Variants in WDPCP observed in about 807,000 individuals in gnomAD.
WDPCP encodes the protein WD repeat-containing and planar cell polarity effector protein fritz homolog.
In WDPCP, 71 loss-of-function variants were observed where a neutral mutation model predicts 93.1. The ratio of observed to expected loss-of-function variants is 0.76; its 90% CI spans 0.63 to 0.93. The LOEUF (loss-of-function observed/expected upper bound fraction) is 0.93, where lower values mean the gene tolerates loss of function less well. Among genes scored for constraint, WDPCP ranks in the 40% least tolerant of loss-of-function variants. The pLI is 0.00. For missense variants in WDPCP, 844 were observed against 887.4 expected (o/e 0.95, Z 0.62); for synonymous variants, 315 against 315.0 (o/e 1.00, Z 0.00).
chr2:63,429,673 A>G (rs2105428161), intron 9 of WDPCP, among the ~76,000 whole-genome samples: 1 of 152,310 alleles, frequency 6.6e-6, no homozygotes, highest in Non-Finnish European at 1.5e-5. Flanking sequence ...TTTTGTTAAA[A>G]GTCAAAAAAT....
At chr2:63,259,286 A>T (rs763394438) in intron 14 of WDPCP, 21 bp downstream of exon 14, 1 of 1,593,142 alleles carries the variant, frequency 6.3e-7, no homozygotes, top group East Asian at 2.2e-5. Context: ...AAAAGCACTT[A>T]AAAATAGCGT....
At chr2:63,542,796 G>T (rs1704842520) in intron 1 of WDPCP, among the ~76,000 whole-genome samples, 1 of 152,146 alleles carries the variant, frequency 6.6e-6, no homozygotes, top group Non-Finnish European at 1.5e-5. Flanking sequence ...TGACGCATAT[G>T]TATGTCCATG....
Position 63,139,028 on chromosome 2 carries a change from A to C in WDPCP, c.2190+13886T>G, listed in dbSNP as rs1293706462. On this transcript the variant is annotated intron_variant, in intron 17 of 17. Coordinates refer to ENST00000272321, the MANE Select transcript of WDPCP (RefSeq NM_015910.7). ...ATCCAGATCACTACAAATGCTATTA[A>C]TTCACTCCTTTTTATGGCTGCATAG... Among the ~76,000 whole-genome samples, 3 of 152,144 alleles carry C rather than the reference A, an allele frequency of 2.0e-5. No homozygotes were observed. In the East Asian group the frequency reaches 5.8e-4, roughly 29 times the overall value.
intron 10 of WDPCP, among the ~76,000 whole-genome samples, chr2:63,401,594 G>A (rs1694157620): frequency 6.6e-6 from 1 of 152,070 alleles, no homozygotes; most frequent in Non-Finnish European, 1.5e-5. Context: ...GACCACTTGA[G>A]GCTGGTTTGA....
At chr2:63,479,765 T>C (rs1700162766) in intron 6 of WDPCP, among the ~76,000 whole-genome samples, 1 of 152,048 alleles carries the variant, frequency 6.6e-6, no homozygotes, top group Non-Finnish European at 1.5e-5. Context: ...ACAAGGATGC[T>C]GACCCTCAAC....
At chr2:63,275,970 G>C (rs1310781978) in intron 13 of WDPCP, among the ~76,000 whole-genome samples, 1 of 152,122 alleles carries the variant, frequency 6.6e-6, no homozygotes, top group Non-Finnish European at 1.5e-5. Flanking sequence ...GAAGGAACTT[G>C]ATCACCCTGC....
intron 2 of WDPCP, among the ~76,000 whole-genome samples, chr2:63,765,990 C>T (rs759169587): frequency 8.5e-5 from 13 of 152,238 alleles, no homozygotes; most frequent in Non-Finnish European, 1.8e-4. Context: ...GATAGCACCT[C>T]CAACCATCCA....
intron 14 of WDPCP, among the ~76,000 whole-genome samples, chr2:63,180,072 C>T (rs918554547): frequency 1.3e-5 from 2 of 152,046 alleles, no homozygotes; most frequent in Non-Finnish European, 2.9e-5. Flanking sequence ...AAGTCAAATA[C>T]CATATGTTCT....
chr2:63,711,246 GA>G (rs1341661655), intron 2 of WDPCP, among the ~76,000 whole-genome samples: 2 of 151,970 alleles, frequency 1.3e-5, no homozygotes, highest in African/African-American at 4.8e-5. Context: ...ACAATGAGTT[GA>G]AAAAAATGAG....
intron 12 of WDPCP, among the ~76,000 whole-genome samples, chr2:63,354,163 C>T (rs1689835145): frequency 6.6e-6 from 1 of 152,128 alleles, no homozygotes; most frequent in African/African-American, 2.4e-5. Flanking sequence ...GCCAGTCCGT[C>T]TCCCACCAAT....
intron 14 of WDPCP, among the ~76,000 whole-genome samples, chr2:63,250,171 C>T (rs1431382754): frequency 1.3e-5 from 2 of 152,188 alleles, no homozygotes; most frequent in South Asian, 2.1e-4. Context: ...ATACAGGTTG[C>T]GTGAATACAA....
At chr2:63,372,105 G>A (rs1200950387) in intron 12 of WDPCP, among the ~76,000 whole-genome samples, 2 of 152,158 alleles carry the variant, frequency 1.3e-5, no homozygotes, top group African/African-American at 4.8e-5. Context: ...CATGGCGGAA[G>A]GCAAAGGGGG....
intron 12 of WDPCP, among the ~76,000 whole-genome samples, chr2:63,329,776 C>G (rs955908957): frequency 9.9e-5 from 15 of 152,108 alleles, no homozygotes; most frequent in Admixed American, 7.9e-4. Flanking sequence ...TTTCTGGTAA[C>G]CACCATCCTA....
chr2:63,439,773 T>C lies in WDPCP; in HGVS notation c.483A>G (p.Ser161=), dbSNP rs1697379789. 1 of 1,613,036 alleles carries C rather than the reference T, an allele frequency of 6.2e-7. No homozygotes were observed. The highest frequency in any genetic ancestry group is 8.5e-7 in the Non-Finnish European group (1 of 1,179,294). The part of the protein sequence containing the change: ...IDRSLVGKLI[S]DTISDALLTD... The stretch of plus-strand genomic sequence containing the variant: ...GGTAATTACCATCACTGATGGTGTC[T>C]GAGATGAGCTTCCCCACCAGGCTTC... The change falls in exon 7 of 18, where the codon TCA becomes TCG. Residue 161 remains serine, a synonymous_variant. Transcript: ENST00000272321.
chr2:63,772,150 C>T (rs949187471), intron 2 of WDPCP, among the ~76,000 whole-genome samples: 1 of 152,054 alleles, frequency 6.6e-6, no homozygotes, highest in Non-Finnish European at 1.5e-5. Context: ...AACTAATTTA[C>T]ATTCTCACCA....
intron 1 of WDPCP, among the ~76,000 whole-genome samples, chr2:63,557,260 C>T (rs1223420087): frequency 1.3e-5 from 2 of 152,056 alleles, no homozygotes; most frequent in Non-Finnish European, 2.9e-5. Flanking sequence ...TGTATTCAAG[C>T]GACCCATCTC....
chr2:63,152,794 T>C, intron 17 of WDPCP, 120 bp downstream of exon 17: 1 of 890,706 alleles, frequency 1.1e-6, no homozygotes, highest in East Asian at 2.5e-5. Context: ...TTAATCTAGT[T>C]AATGTAGTCC....
At chr2:63,168,273 A>G (rs760101100) in intron 15 of WDPCP, among the ~76,000 whole-genome samples, 5 of 149,460 alleles carry the variant, frequency 3.3e-5, no homozygotes, top group Non-Finnish European at 7.4e-5. Context: ...ATTTGCATTA[A>G]TTTTTTTTTT....
At chr2:63,485,009 A>G in intron 4 of WDPCP, 22 bp from the exon 5 acceptor site, 1 of 1,611,998 alleles carries the variant, frequency 6.2e-7, no homozygotes. Flanking sequence ...AACATGTACT[A>G]CAGTTAGTTA....
Sources: gnomAD v4.1 joint callset for allele counts (sites outside exome capture counted in the v4.1 genomes callset) on GRCh38, gnomAD v4.1.1 for gene constraint, MANE v1.5 for transcripts, NCBI Gene and HGNC (gene_info 2026-07-23, HGNC 2026-07-21) for gene names.